The following NTRK3 variants were observed in gnomAD, a reference collection of about 807,000 sequenced individuals.
NTRK3 encodes the protein neurotrophic receptor tyrosine kinase 3.
Under a neutral mutation model 91.7 loss-of-function variants are expected in NTRK3, and 24 were observed. The observed-to-expected ratio is 0.26, with a 90% CI of 0.19 to 0.37. The LOEUF (loss-of-function observed/expected upper bound fraction) is 0.37. NTRK3 is among the 10% of genes least tolerant of loss of function. The pLI, the probability that NTRK3 is intolerant of heterozygous loss-of-function variation, is 1.00. For missense variants in NTRK3, 880 were observed against 1,068.9 expected, an observed-to-expected ratio of 0.82 and a Z score of 2.46; for synonymous variants, 483 against 404.0, an observed-to-expected ratio of 1.20 and a Z score of -2.34.
chr15:87,929,005 T>C, intron 17 of NTRK3, 186 bp downstream of exon 17: 1 of 735,984 alleles, frequency 1.4e-6, no homozygotes, highest in Admixed American at 2.4e-5. Flanking sequence ...GAGTGGGCAA[T>C]TGAGAACATA....
chr15:88,099,609 T>C (rs909305202), intron 13 of NTRK3, among the ~76,000 whole-genome samples: 1 of 152,122 alleles, frequency 6.6e-6, no homozygotes, highest in Non-Finnish European at 1.5e-5. Context: ...GAACATGGCA[T>C]CGGGAGCTAA....
chr15:88,038,217 T>TA (rs2079242742), intron 13 of NTRK3, among the ~76,000 whole-genome samples: 2 of 152,104 alleles, frequency 1.3e-5, no homozygotes, highest in South Asian at 4.1e-4. Flanking sequence ...ATTCATCATG[T>TA]CTTCTGATGT....
rs994829320 is a variant in NTRK3, at chr15:87,896,330, G to C, written c.2134-15902C>G. Among the ~76,000 whole-genome samples the C allele has an allele frequency of 2.0e-5, 3 of 152,016 alleles. 1 individual carries two copies. Among genetic ancestry groups the C allele is most frequent in the African/African-American group, 4.8e-5 (2 of 41,380 alleles). On this transcript the variant is annotated intron_variant, in intron 17 of 18. Transcript: ENST00000394480. ...TACTAAAAATACAAAAATTAGCTGG[G>C]CGTGGTGGCGCACACCTGTAGTCCC... is the stretch of plus-strand genomic sequence containing the variant.
At chr15:88,211,482 G>GT (rs1339128096) in intron 3 of NTRK3, among the ~76,000 whole-genome samples, 2 of 152,136 alleles carry the variant, frequency 1.3e-5, no homozygotes, top group Non-Finnish European at 2.9e-5. Flanking sequence ...TCATGTTTAT[G>GT]TTTTTTGTTG....
At chr15:87,932,319 C>T (rs1025870521) in intron 16 of NTRK3, among the ~76,000 whole-genome samples, 1 of 152,144 alleles carries the variant, frequency 6.6e-6, no homozygotes, top group African/African-American at 2.4e-5. Context: ...CTGTGCTTCC[C>T]TGTATGGTAA....
chr15:87,910,627 A>G (rs539436033), intron 17 of NTRK3, among the ~76,000 whole-genome samples: 185 of 152,304 alleles, frequency 1.2e-3, no homozygotes, highest in Non-Finnish European at 2.0e-3. Context: ...AGGGGTTATA[A>G]CCATGTGAGT....
chr15:87,981,174 G>C (rs1471494354), intron 14 of NTRK3: 54 of 1,551,848 alleles, frequency 3.5e-5, no homozygotes, highest in Non-Finnish European at 4.4e-5. Context: ...ACCAAAATTG[G>C]TTAGGGGAGG....
At chr15:87,990,357 C>A (rs528252524) in intron 14 of NTRK3, among the ~76,000 whole-genome samples, 4 of 152,310 alleles carry the variant, frequency 2.6e-5, no homozygotes, top group South Asian at 4.1e-4. Flanking sequence ...TCTGCAGATA[C>A]CCTCCAGAGC....
intron 5 of NTRK3, among the ~76,000 whole-genome samples, chr15:88,163,036 G>C (rs2044613223): frequency 6.6e-6 from 1 of 152,110 alleles, no homozygotes; most frequent in African/African-American, 2.4e-5. Context: ...CAGTCCACCT[G>C]AGTATCTGGA....
intron 13 of NTRK3, among the ~76,000 whole-genome samples, chr15:88,081,936 A>G (rs950942705): frequency 6.6e-6 from 1 of 152,020 alleles, no homozygotes; most frequent in African/African-American, 2.4e-5. Context: ...TTTTCTTTCC[A>G]AGGGCAACCC....
chr15:88,138,315 C>T (rs1473808490), intron 6 of NTRK3, among the ~76,000 whole-genome samples: 3 of 151,944 alleles, frequency 2.0e-5, no homozygotes, highest in African/African-American at 7.3e-5. Flanking sequence ...GAGGCTGAGG[C>T]GGGAGAATGG....
Position 88,088,008 on chromosome 15 carries a change from G to A in NTRK3, c.1396+38263C>T, listed in dbSNP as rs147915181. ...AGAGGCTGCAGTGAGCCAAGATCAC[G>A]CCACTCCACTCCAGCCTGGGAAACA... On this transcript the variant is annotated intron_variant, in intron 13 of 18. Coordinates refer to ENST00000394480, the Ensembl canonical transcript of NTRK3. Among the ~76,000 whole-genome samples, 162 of 152,234 alleles carry A rather than the reference G, an allele frequency of 1.1e-3. 2 individuals are homozygous for A. Among genetic ancestry groups the A allele is most frequent in the African/African-American group, 3.5e-3 (145 of 41,530 alleles).
rs376847148 is a variant in NTRK3 at position 88,078,405 on chromosome 15, C to T, written c.1397-45360G>A. 9.7e-4 allele frequency among the ~76,000 whole-genome samples: 148 copies of T among 152,180 alleles called. 1 individual carries two copies. Among genetic ancestry groups the T allele is most frequent in the Admixed American group, 2.2e-3 (33 of 15,284 alleles). ...GTGCGGTGGCTCACGCCTGTAATCC[C>T]GGCACTTCGGGAGGCCTAGGATCAC... On this transcript the variant is annotated intron_variant, in intron 13 of 18. Coordinates refer to ENST00000394480, the Ensembl canonical transcript of NTRK3.
At chr15:88,051,612 G>A (rs1182859120) in intron 13 of NTRK3, among the ~76,000 whole-genome samples, 1 of 152,158 alleles carries the variant, frequency 6.6e-6, no homozygotes, top group Non-Finnish European at 1.5e-5. Context: ...TATAAATAGG[G>A]TTAATAACAG....
chr15:87,930,104 GC>G (rs565121948), intron 16 of NTRK3, among the ~76,000 whole-genome samples: 60 of 152,214 alleles, frequency 3.9e-4, no homozygotes, highest in African/African-American at 1.3e-3. Flanking sequence ...ACGCTCAGTG[GC>G]CCTGGGACAC....
intron 13 of NTRK3, among the ~76,000 whole-genome samples, chr15:88,051,341 A>G (rs1418027429): frequency 6.6e-6 from 1 of 152,196 alleles, no homozygotes; most frequent in Non-Finnish European, 1.5e-5. Context: ...TTCTTCCTGT[A>G]GATTCGTGCA....
intron 14 of NTRK3, among the ~76,000 whole-genome samples, chr15:87,972,399 G>A (rs906044185): frequency 2.6e-5 from 4 of 152,154 alleles, no homozygotes; most frequent in African/African-American, 9.7e-5. Flanking sequence ...CTGCCATACT[G>A]GAACGATGCC....
At chr15:87,960,818 G>T (rs938111834) in intron 14 of NTRK3, among the ~76,000 whole-genome samples, 5 of 152,010 alleles carry the variant, frequency 3.3e-5, no homozygotes, top group Non-Finnish European at 5.9e-5. Context: ...TCCTTGACCC[G>T]TCCTCCCCTA....
chr15:88,085,902 G>A (rs2048456093), intron 13 of NTRK3, among the ~76,000 whole-genome samples: 1 of 152,212 alleles, frequency 6.6e-6, no homozygotes, highest in Non-Finnish European at 1.5e-5. Context: ...GCCTTGAGGA[G>A]CTAATAGGAT....
Sources: gnomAD v4.1 joint callset for allele counts (sites outside exome capture counted in the v4.1 genomes callset) on GRCh38, gnomAD v4.1.1 for gene constraint, MANE v1.5 for transcripts, NCBI Gene and HGNC (gene_info 2026-07-23, HGNC 2026-07-21) for gene names.